Variants in ECPAS observed in about 807,000 individuals in gnomAD.
ECPAS encodes the protein Ecm29 proteasome adaptor and scaffold, also known as proteasome adapter and scaffold protein ECM29.
ECPAS carries 70 observed loss-of-function variants against 255.1 expected under a neutral mutation model. The ratio of observed to expected loss-of-function variants is 0.27; its 90% CI spans 0.23 to 0.33. ECPAS has a LOEUF of 0.33. ECPAS is among the 10% of genes least tolerant of loss of function. The probability of loss-of-function intolerance (pLI) is 1.00; values close to 1 mark genes in which losing one functional copy is unlikely to be tolerated. For missense variants in ECPAS, 1,817 were observed against 2,206.4 expected, an observed-to-expected ratio of 0.82 and a Z score of 3.54; for synonymous variants, 784 against 775.0, an observed-to-expected ratio of 1.01 and a Z score of -0.19.
At chr9:111,463,902 A>T (rs1041216538) in intron 2 of ECPAS, among the ~76,000 whole-genome samples, 3 of 152,178 alleles carry the variant, frequency 2.0e-5, no homozygotes, top group Admixed American at 6.5e-5. Flanking sequence ...AAAGTTGAAG[A>T]GGAACATACC....
chr9:111,448,163 G>A (rs1225289994), intron 3 of ECPAS, among the ~76,000 whole-genome samples: 4 of 152,046 alleles, frequency 2.6e-5, no homozygotes, highest in African/African-American at 4.8e-5. Context: ...GTATAATTAT[G>A]TATCAATAAA....
At chr9:111,395,453 T>C (rs1335278635) in intron 25 of ECPAS, among the ~76,000 whole-genome samples, 3 of 152,178 alleles carry the variant, frequency 2.0e-5, no homozygotes, top group Admixed American at 2.0e-4. Flanking sequence ...CAGAGATTCA[T>C]CATCCCTCCC....
intron 9 of ECPAS, among the ~76,000 whole-genome samples, chr9:111,428,818 A>G (rs12345793): frequency 0.16 from 24,577 of 152,124 alleles, 2,528 homozygotes; most frequent in Non-Finnish European, 0.23. Context: ...ATACTCTTAT[A>G]CTATATTCCA....
Position 111,362,173 on chromosome 9 carries a change from C to A in ECPAS, c.5381-4G>T, listed in dbSNP as rs564286735. On this transcript the variant is annotated splice_polypyrimidine_tract_variant and splice_region_variant and intron_variant, in intron 49 of 49. Coordinates refer to ENST00000684092, the MANE Select transcript of ECPAS (RefSeq NM_001364929.1). ...AAACATTCCCACTGTTTAGATTCTG[C>A]ATGAAAAAAAAAAAACAAAAACAAA... The A allele has an allele frequency of 1.4e-4, 195 of 1,379,838 alleles. 2 individuals carry two copies. The East Asian group carries it at 3.2e-3, about 23-fold the overall frequency. 85.5% of individuals were successfully genotyped at this position (1,379,838 alleles called of 1,614,324 possible).
chr9:111,362,209 A>T, intron 49 of ECPAS, 40 bp from the exon 50 acceptor site: 1 of 1,507,144 alleles, frequency 6.6e-7, no homozygotes, highest in East Asian at 2.3e-5. Flanking sequence ...AAAAACAAAA[A>T]ACAAAGCAAA....
chr9:111,456,044 T>C (rs901012117), intron 2 of ECPAS, among the ~76,000 whole-genome samples: 1 of 152,270 alleles, frequency 6.6e-6, no homozygotes, highest in African/African-American at 2.4e-5. Flanking sequence ...TTTTGCTTTC[T>C]GCATTCAAGT....
chr9:111,469,035 C>T (rs977718521), intron 2 of ECPAS, among the ~76,000 whole-genome samples: 1 of 152,196 alleles, frequency 6.6e-6, no homozygotes, highest in African/African-American at 2.4e-5. Flanking sequence ...AAAAGCCACG[C>T]TAATACTTGG....
chr9:111,440,161 G>A (rs1469353364), intron 6 of ECPAS, among the ~76,000 whole-genome samples: 1 of 152,008 alleles, frequency 6.6e-6, no homozygotes, highest in Non-Finnish European at 1.5e-5. Context: ...TTTCATCTTA[G>A]GCAGGTAGAG....
At chr9:111,449,508 T>A (rs923755932) in intron 3 of ECPAS, among the ~76,000 whole-genome samples, 18 of 151,992 alleles carry the variant, frequency 1.2e-4, no homozygotes, top group African/African-American at 1.7e-4. Context: ...TTTATTTTTT[T>A]AAAAAAGAAT....
intron 2 of ECPAS, among the ~76,000 whole-genome samples, chr9:111,460,338 A>G (rs1473113229): frequency 2.0e-5 from 3 of 152,200 alleles, no homozygotes; most frequent in Non-Finnish European, 4.4e-5. Flanking sequence ...AACTTCCTTA[A>G]TCTGATAAGA....
intron 12 of ECPAS, among the ~76,000 whole-genome samples, chr9:111,424,100 C>T (rs113354679): frequency 0.018 from 2,784 of 152,262 alleles, 35 homozygotes; most frequent in Non-Finnish European, 0.027. Flanking sequence ...AGCATTTCAC[C>T]ATCTATGCCA....
At chr9:111,372,042 A>C (rs1457839809) in intron 42 of ECPAS, among the ~76,000 whole-genome samples, 1 of 152,230 alleles carries the variant, frequency 6.6e-6, no homozygotes. Flanking sequence ...ACAGGAACGT[A>C]TCACACAAAT....
intron 1 of ECPAS, among the ~76,000 whole-genome samples, chr9:111,475,675 G>A (rs1486633045): frequency 6.6e-6 from 1 of 151,380 alleles, no homozygotes; most frequent in South Asian, 2.1e-4. Context: ...GGCAGAGGTT[G>A]CAATGAGCCA....
intron 1 of ECPAS, among the ~76,000 whole-genome samples, chr9:111,478,839 TTCC>T (rs1318255097): frequency 2.0e-5 from 3 of 152,240 alleles, no homozygotes; most frequent in Admixed American, 2.0e-4. Context: ...ATTCTTCCTC[TTCC>T]TCAATAGTAT....
chr9:111,473,011 G>C lies in ECPAS; in HGVS notation c.-82-11C>G, dbSNP rs1256911471. 3.2e-6 allele frequency: 3 copies of C among 944,198 alleles called. No individual in the cohort carries two copies. The highest frequency in any genetic ancestry group is 4.0e-6 in the Non-Finnish European group (3 of 747,830). 58.5% of individuals were successfully genotyped at this position (944,198 alleles called of 1,614,324 possible). On this transcript the variant is annotated splice_polypyrimidine_tract_variant and intron_variant, in intron 1 of 49. Transcript: ENST00000684092. ...AATTGTATAAAGAATCTATTATTTA[G>C]AACACCAAAAAAATACAATTAACAG...
intron 31 of ECPAS, among the ~76,000 whole-genome samples, chr9:111,388,689 C>G (rs957869879): frequency 6.6e-6 from 1 of 151,972 alleles, no homozygotes; most frequent in Non-Finnish European, 1.5e-5. Flanking sequence ...ATGATGATGA[C>G]CTATTCATCA....
intron 1 of ECPAS, among the ~76,000 whole-genome samples, chr9:111,477,430 C>T (rs528556868): frequency 8.5e-5 from 13 of 152,146 alleles, no homozygotes; most frequent in Admixed American, 3.3e-4. Context: ...ACATCTTATA[C>T]ACTACAGAAG....
At chr9:111,391,901 A>C (rs1157682286) in intron 28 of ECPAS, 77 bp from the exon 29 acceptor site, 19 of 980,914 alleles carry the variant, frequency 1.9e-5, no homozygotes, top group Non-Finnish European at 2.7e-5. Context: ...ATTCATTTAC[A>C]AAGTGATAAA....
intron 2 of ECPAS, among the ~76,000 whole-genome samples, chr9:111,467,135 T>C (rs1310284580): frequency 2.0e-5 from 3 of 151,812 alleles, no homozygotes; most frequent in Admixed American, 1.3e-4. Context: ...GAAAAAACAA[T>C]AAACCTACAA....
Sources: gnomAD v4.1 joint callset for allele counts (sites outside exome capture counted in the v4.1 genomes callset) on GRCh38, gnomAD v4.1.1 for gene constraint, MANE v1.5 for transcripts, NCBI Gene and HGNC (gene_info 2026-07-23, HGNC 2026-07-21) for gene names.